Variants in DTNB observed in about 807,000 individuals in gnomAD.
DTNB encodes DTN-B.
DTNB carries 63 observed loss-of-function variants against 90.7 expected under a neutral mutation model. The observed-to-expected ratio is 0.69, with a 90% CI of 0.57 to 0.86. DTNB has a LOEUF of 0.86. Among genes scored for constraint, DTNB ranks in the 40% least tolerant of loss-of-function variants. The pLI is 0.00. For missense variants in DTNB, 744 were observed against 807.1 expected (o/e 0.92, Z 0.95); for synonymous variants, 277 against 286.7 (o/e 0.97, Z 0.34).
intron 6 of DTNB, among the ~76,000 whole-genome samples, chr2:25,588,506 C>A (rs1036545857): frequency 8.5e-5 from 13 of 152,122 alleles, no homozygotes; most frequent in Non-Finnish European, 1.0e-4. Context: ...GCTGGGACTA[C>A]AGGCGCACGC....
chr2:25,663,587 G>C lies in DTNB; in HGVS notation c.-2+9799C>G, dbSNP rs577659755. On this transcript the variant is annotated intron_variant, in intron 1 of 20. Transcript: ENST00000406818. The stretch of plus-strand genomic sequence containing the variant: ...TCATCTACTTTTAGTAAATTCTCTG[G>C]TAAGTCTTATCCTGAGTGTTTTAGC... Among the ~76,000 whole-genome samples, 13 of 152,058 alleles carry C rather than the reference G, an allele frequency of 8.5e-5. No individual in the cohort carries two copies. In the East Asian group the frequency reaches 1.3e-3, roughly 16 times the overall value.
intron 19 of DTNB, among the ~76,000 whole-genome samples, chr2:25,381,221 G>C (rs750323594): frequency 5.3e-5 from 8 of 152,014 alleles, no homozygotes; most frequent in Admixed American, 3.9e-4. Flanking sequence ...GTGTGTGCGC[G>C]TGTTTGCAGC....
chr2:25,668,765 A>C (rs1275548758), intron 1 of DTNB, among the ~76,000 whole-genome samples: 3 of 152,214 alleles, frequency 2.0e-5, no homozygotes, highest in Non-Finnish European at 2.9e-5. Context: ...TATTACTGAC[A>C]ATTGCACTTG....
At chr2:25,430,698 C>T (rs1465916582) in intron 14 of DTNB, among the ~76,000 whole-genome samples, 1 of 152,120 alleles carries the variant, frequency 6.6e-6, no homozygotes, top group African/African-American at 2.4e-5. Flanking sequence ...TCTGGATAGG[C>T]GTTCACCCAG....
At chr2:25,390,796 A>G (rs1380316615) in intron 16 of DTNB, among the ~76,000 whole-genome samples, 1 of 152,124 alleles carries the variant, frequency 6.6e-6, no homozygotes, top group East Asian at 1.9e-4. Context: ...GAACAAATCA[A>G]TTCAGAATTA....
intron 3 of DTNB, among the ~76,000 whole-genome samples, chr2:25,638,809 C>CTAGTTACA (rs1463434296): frequency 2.6e-5 from 4 of 152,138 alleles, no homozygotes; most frequent in African/African-American, 7.2e-5. Context: ...AGCCTCAAAA[C>CTAGTTACA]TAGTTACATG....
At chr2:25,415,617 C>A (rs1313683154) in intron 16 of DTNB, among the ~76,000 whole-genome samples, 4 of 152,086 alleles carry the variant, frequency 2.6e-5, no homozygotes, top group Non-Finnish European at 5.9e-5. Flanking sequence ...AAAGTTTCAG[C>A]CCCTTCCACC....
chr2:25,570,541 ATCACTCCACAGAAACT>A, intron 8 of DTNB, among the ~76,000 whole-genome samples: 1 of 151,880 alleles, frequency 6.6e-6, no homozygotes, highest in Non-Finnish European at 1.5e-5. Flanking sequence ...TTTTGCCCCC[ATCACTCCACAGAAACT>A]GTTCTCCAGA....
chr2:25,580,785 A>T lies in DTNB; in HGVS notation c.645T>A (p.Ala215=). The change falls in exon 7 of 21, where the codon GCT becomes GCA. Residue 215 remains alanine (A), a synonymous_variant. Coordinates refer to ENST00000406818, the MANE Select transcript of DTNB (RefSeq NM_021907.5). ...MLNMFLDTMM[A]DPPPQCLVWL... ...AGACAAGGCACTGGGGAGGAGGGTC[A>T]GCCATCATTGTGTCTAAAAACATAT... 1.2e-6 allele frequency: 2 copies of T among 1,613,628 alleles called. No homozygotes were observed. Among genetic ancestry groups the T allele is most frequent in the Non-Finnish European group, 1.7e-6 (2 of 1,179,602 alleles).
chr2:25,465,899 C>T (rs2061688333), intron 10 of DTNB, among the ~76,000 whole-genome samples: 1 of 152,200 alleles, frequency 6.6e-6, no homozygotes, highest in Non-Finnish European at 1.5e-5. Flanking sequence ...AGAACAGCAG[C>T]TACATAAAAG....
intron 14 of DTNB, among the ~76,000 whole-genome samples, chr2:25,430,362 C>CT: frequency 6.6e-6 from 1 of 152,144 alleles, no homozygotes; most frequent in South Asian, 2.1e-4. Context: ...AGGATCTACT[C>CT]ATTCAATGTT....
chr2:25,447,841 G>T (rs900194399), intron 12 of DTNB, among the ~76,000 whole-genome samples: 1 of 151,880 alleles, frequency 6.6e-6, no homozygotes, highest in African/African-American at 2.4e-5. Context: ...TTCACCAAGG[G>T]TATAATGCTT....
At chr2:25,504,646 G>C (rs2071889777) in intron 9 of DTNB, among the ~76,000 whole-genome samples, 1 of 150,764 alleles carries the variant, frequency 6.6e-6, no homozygotes, top group African/African-American at 2.4e-5. Context: ...AGAAAGGAAG[G>C]AAAAGAAAGA....
intron 8 of DTNB, among the ~76,000 whole-genome samples, chr2:25,564,816 T>C (rs150811071): frequency 8.8e-4 from 134 of 152,370 alleles, no homozygotes; most frequent in Middle Eastern, 3.4e-3. Context: ...CATTTTCAGA[T>C]TGTTCATTGT....
intron 8 of DTNB, among the ~76,000 whole-genome samples, chr2:25,547,033 G>A (rs1018145814): frequency 2.0e-5 from 3 of 152,012 alleles, no homozygotes; most frequent in Non-Finnish European, 4.4e-5. Context: ...TGTTGTTGTA[G>A]AGACAGGGTC....
Position 25,410,698 on chromosome 2 carries a change from CG to C in DTNB, c.1575+8816del, listed in dbSNP as rs564054921. ...GTCACGCCACCCTGCCATGACGAGG[CG>C]GGGGGGCAATGGTTTAAAGGCATTT... On this transcript the variant is annotated intron_variant, in intron 16 of 20. Coordinates refer to ENST00000406818, the MANE Select transcript of DTNB (RefSeq NM_021907.5). Among the ~76,000 whole-genome samples the C allele has an allele frequency of 3.3e-5, 5 of 152,006 alleles. No homozygotes were observed. In the South Asian group the frequency reaches 6.2e-4, roughly 19 times the overall value.
intron 16 of DTNB, among the ~76,000 whole-genome samples, chr2:25,412,902 A>G (rs34845373): frequency 0.21 from 31,429 of 152,210 alleles, 3,789 homozygotes; most frequent in Non-Finnish European, 0.27. Flanking sequence ...CAATGGTCAT[A>G]AACACCATTG....
At chr2:25,489,695 T>C (rs746038985) in intron 9 of DTNB, among the ~76,000 whole-genome samples, 5 of 151,650 alleles carry the variant, frequency 3.3e-5, no homozygotes, top group Non-Finnish European at 7.4e-5. Context: ...TTATATAAAT[T>C]AAGAGAAAAA....
At chr2:25,610,058 C>A (rs1308500895) in intron 4 of DTNB, among the ~76,000 whole-genome samples, 1 of 152,126 alleles carries the variant, frequency 6.6e-6, no homozygotes, top group Non-Finnish European at 1.5e-5. Flanking sequence ...CAAAGACTGT[C>A]CTCAGTCTAA....
Sources: allele counts gnomAD v4.1 joint callset (sites outside exome capture counted in the v4.1 genomes callset), GRCh38; gene constraint gnomAD v4.1.1; transcripts MANE v1.5; gene names NCBI Gene and HGNC (gene_info 2026-07-23, HGNC 2026-07-21).